NAALADL2: variants seen among roughly 807,000 people sequenced by gnomAD.
NAALADL2 encodes the protein inactive N-acetylated-alpha-linked acidic dipeptidase-like protein 2.
NAALADL2 carries 76 observed loss-of-function variants against 87.2 expected under a neutral mutation model. The ratio of observed to expected loss-of-function variants is 0.87; its 90% confidence interval spans 0.72 to 1.05. The LOEUF (loss-of-function observed/expected upper bound fraction) is 1.05, where lower values mean the gene tolerates loss of function less well. NAALADL2 is among the 50% of genes least tolerant of loss of function. The pLI is 0.00. For missense variants in NAALADL2, 1,089 were observed against 945.8 expected, an observed-to-expected ratio of 1.15 and a Z score of -1.99; for synonymous variants, 354 against 331.0, an observed-to-expected ratio of 1.07 and a Z score of -0.75.
chr3:175,019,833 G>C (rs1357534084), intron 1 of NAALADL2, among the ~76,000 whole-genome samples: 1 of 152,000 alleles, frequency 6.6e-6, no homozygotes, highest in Non-Finnish European at 1.5e-5. Flanking sequence ...AAATTATTTA[G>C]TTGCATCCAA....
At chr3:174,503,145 G>A (rs1263191155) in intron 1 of NAALADL2, among the ~76,000 whole-genome samples, 3 of 152,152 alleles carry the variant, frequency 2.0e-5, no homozygotes, top group Admixed American at 6.5e-5. Flanking sequence ...ATTTGGCTAT[G>A]CTTAGATTTC....
chr3:175,123,723 G>T (rs549526752), intron 2 of NAALADL2, among the ~76,000 whole-genome samples: 1 of 151,770 alleles, frequency 6.6e-6, no homozygotes, highest in Admixed American at 6.6e-5. Context: ...GTCAACTTAC[G>T]TATTTCCTCC....
chr3:175,395,216 A>G (rs772602510), intron 5 of NAALADL2, among the ~76,000 whole-genome samples: 1 of 152,074 alleles, frequency 6.6e-6, no homozygotes, highest in South Asian at 2.1e-4. Flanking sequence ...ATGGTGGGGG[A>G]CAGTGCAAGA....
At chr3:175,226,867 C>T (rs115645983) in intron 2 of NAALADL2, among the ~76,000 whole-genome samples, 2,624 of 152,024 alleles carry the variant, frequency 0.017, 34 homozygotes, top group Non-Finnish European at 0.026. Context: ...TTAATATTTT[C>T]AAAGCAAAAT....
At chr3:175,543,821 T>A (rs1372748506) in intron 9 of NAALADL2, among the ~76,000 whole-genome samples, 3 of 152,098 alleles carry the variant, frequency 2.0e-5, no homozygotes, top group African/African-American at 7.2e-5. Flanking sequence ...TTTATTTAGG[T>A]TATTGCAATA....
At chr3:175,579,709 G>A (rs1370121613) in intron 10 of NAALADL2, among the ~76,000 whole-genome samples, 1 of 152,132 alleles carries the variant, frequency 6.6e-6, no homozygotes, top group Admixed American at 6.5e-5. Flanking sequence ...TAAATACAAT[G>A]CGGAGAATGT....
intron 3 of NAALADL2, among the ~76,000 whole-genome samples, chr3:175,240,241 C>T (rs112071973): frequency 6.6e-6 from 1 of 152,096 alleles, no homozygotes; most frequent in Admixed American, 6.5e-5. Context: ...TTGAGTTGGA[C>T]CAGAAAAGCA....
chr3:174,925,098 G>A (rs1735800371), intron 1 of NAALADL2, among the ~76,000 whole-genome samples: 1 of 152,012 alleles, frequency 6.6e-6, no homozygotes, highest in Non-Finnish European at 1.5e-5. Flanking sequence ...GTCAATTTTG[G>A]CTTTTGTTGC....
intron 3 of NAALADL2, among the ~76,000 whole-genome samples, chr3:174,763,260 T>C (rs1019228512): frequency 1.3e-5 from 2 of 152,070 alleles, no homozygotes; most frequent in Non-Finnish European, 2.9e-5. Flanking sequence ...ATGATGAAAT[T>C]TCACAATTTT....
rs1235402291 is a variant in NAALADL2 at position 175,806,064 on chromosome 3, T to C, written c.*2861T>C. 1.3e-5 allele frequency: 2 copies of C among 151,956 alleles called. No homozygotes were observed. Among genetic ancestry groups the C allele is most frequent in the Non-Finnish European group, 2.9e-5 (2 of 67,902 alleles). The allele number at this position is 151,956 out of a possible 1,614,324, so 9.4% of individuals were successfully genotyped here. Reference sequence around the variant, plus strand: ...TGCTTTCTCATGCAGTATATCTTGCTTCTCCCTGAGGAGACAGGGTTATAA... The same window carrying C: ...TGCTTTCTCATGCAGTATATCTTGCCTCTCCCTGAGGAGACAGGGTTATAA... On this transcript the variant is annotated 3_prime_UTR_variant, in exon 14 of 14. Coordinates refer to ENST00000454872, the MANE Select transcript of NAALADL2 (RefSeq NM_207015.3).
chr3:174,662,237 C>T (rs945203996), intron 2 of NAALADL2, among the ~76,000 whole-genome samples: 5 of 152,158 alleles, frequency 3.3e-5, no homozygotes, highest in African/African-American at 1.2e-4. Flanking sequence ...AAGCTGTTTT[C>T]GTTTAGAAGT....
chr3:175,667,657 A>G (rs1733380264), intron 11 of NAALADL2, among the ~76,000 whole-genome samples: 1 of 152,134 alleles, frequency 6.6e-6, no homozygotes, highest in Non-Finnish European at 1.5e-5. Flanking sequence ...GAAGTTAGAA[A>G]ATGTACACCT....
intron 2 of NAALADL2, among the ~76,000 whole-genome samples, chr3:174,583,928 GA>G (rs1323243968): frequency 6.6e-6 from 1 of 152,082 alleles, no homozygotes; most frequent in African/African-American, 2.4e-5. Context: ...CAAAATTAAT[GA>G]ACAGCAAAAT....
chr3:175,254,147 G>T (rs990801065), intron 3 of NAALADL2, among the ~76,000 whole-genome samples: 2 of 152,106 alleles, frequency 1.3e-5, no homozygotes, highest in Non-Finnish European at 2.9e-5. Context: ...GAGAGATACA[G>T]AGAAATATTT....
chr3:174,471,883 T>G (rs939279778), intron 1 of NAALADL2, among the ~76,000 whole-genome samples: 1 of 152,146 alleles, frequency 6.6e-6, no homozygotes, highest in African/African-American at 2.4e-5. Flanking sequence ...GTAATTTTAA[T>G]AAAAAATTAA....
intron 2 of NAALADL2, among the ~76,000 whole-genome samples, chr3:174,583,999 T>A (rs190763747): frequency 7.2e-5 from 11 of 152,308 alleles, no homozygotes; most frequent in African/African-American, 2.4e-4. Context: ...ATTTTGTTCA[T>A]TGATTTGTTA....
chr3:174,561,585 G>T (rs1440668282), intron 2 of NAALADL2, among the ~76,000 whole-genome samples: 1 of 152,002 alleles, frequency 6.6e-6, no homozygotes, highest in East Asian at 1.9e-4. Flanking sequence ...AAGTAGAGAG[G>T]ATAATCAGAT....
chr3:174,542,420 T>G (rs995142685), intron 1 of NAALADL2, among the ~76,000 whole-genome samples: 1 of 152,128 alleles, frequency 6.6e-6, no homozygotes, highest in African/African-American at 2.4e-5. Flanking sequence ...CTAAGGGGCC[T>G]AAAGGCAAGA....
intron 11 of NAALADL2, among the ~76,000 whole-genome samples, chr3:175,660,218 G>A (rs1163282528): frequency 6.6e-6 from 1 of 152,182 alleles, no homozygotes; most frequent in Non-Finnish European, 1.5e-5. Context: ...CAGAGATTAG[G>A]TTTCAACATG....
Sources: gnomAD v4.1 joint callset for allele counts (sites outside exome capture counted in the v4.1 genomes callset) on GRCh38, gnomAD v4.1.1 for gene constraint, MANE v1.5 for transcripts, NCBI Gene and HGNC (gene_info 2026-07-23, HGNC 2026-07-21) for gene names.